Variants in SORCS2 observed in about 807,000 individuals in gnomAD.
The protein encoded by SORCS2 is VPS10 domain-containing receptor SorCS2.
SORCS2 carries 100 observed loss-of-function variants against 141.6 expected under a neutral mutation model. The observed-to-expected ratio is 0.71, with a 90% CI of 0.60 to 0.83. SORCS2 has a LOEUF of 0.83. Ranked by LOEUF, SORCS2 falls within the 40% of genes least tolerant of loss-of-function variation. The pLI, the probability that SORCS2 is intolerant of heterozygous loss-of-function variation, is 0.00. For synonymous variants in SORCS2, 789 were observed against 676.9 expected, an observed-to-expected ratio of 1.17 and a Z score of -2.57; for missense variants, 1,646 against 1,560.2, an observed-to-expected ratio of 1.05 and a Z score of -0.93.
At position 7,733,305 on chromosome 4, in the gene SORCS2, C is replaced by A. The variant is rs116312192; in HGVS notation, c.3109-17C>A. 2.0e-6 allele frequency: 3 copies of A among 1,532,738 alleles called. No individual in the cohort carries two copies. The highest frequency in any genetic ancestry group is 2.0e-5 in the Admixed American group (1 of 50,468). The allele number at this position is 1,532,738 out of a possible 1,614,324, so 94.9% of individuals were successfully genotyped here. ...CCTCCATGGAGGCCTCACTCACTGT[C>A]CCCTCTGTGCTTGCAGAGGCTCGCC... is the stretch of plus-strand genomic sequence containing the variant. On this transcript the variant is annotated splice_polypyrimidine_tract_variant and intron_variant, in intron 23 of 26. Transcript: ENST00000507866.
At chr4:7,477,229 C>T (rs551878548) in intron 2 of SORCS2, among the ~76,000 whole-genome samples, 3 of 151,476 alleles carry the variant, frequency 2.0e-5, no homozygotes, top group African/African-American at 7.3e-5. Context: ...TTGGGAATAG[C>T]CTGAGTCATT....
intron 1 of SORCS2, among the ~76,000 whole-genome samples, chr4:7,226,150 G>A (rs1461220638): frequency 6.6e-6 from 1 of 152,224 alleles, no homozygotes; most frequent in African/African-American, 2.4e-5. Flanking sequence ...GGGAGGGCTG[G>A]AAGCTGCAAT....
chr4:7,198,321 C>G (rs552318583), intron 1 of SORCS2, among the ~76,000 whole-genome samples: 1 of 152,300 alleles, frequency 6.6e-6, no homozygotes, highest in South Asian at 2.1e-4. Context: ...TTCAAATCCA[C>G]GACAAAGCTG....
At chr4:7,613,444 G>T (rs1048456523) in intron 3 of SORCS2, among the ~76,000 whole-genome samples, 1 of 152,146 alleles carries the variant, frequency 6.6e-6, no homozygotes, top group African/African-American at 2.4e-5. Flanking sequence ...GGCCTGGGCC[G>T]CCCTCCACCC....
rs189633424 is a variant in SORCS2, at chr4:7,244,107, C to T, written c.480+50981C>T. ...TCCTGCATGGAACGGGAAAGAGGGT[C>T]CCCACTTCTGAAGCACATAGGAAGG... On this transcript the variant is annotated intron_variant, in intron 1 of 26. Coordinates refer to ENST00000507866, the MANE Select transcript of SORCS2 (RefSeq NM_020777.3). 9.9e-5 allele frequency among the ~76,000 whole-genome samples: 15 copies of T among 152,278 alleles called. No individual in the cohort carries two copies. In the East Asian group the frequency reaches 2.9e-3, roughly 30 times the overall value.
chr4:7,554,312 T>C (rs146308081), intron 3 of SORCS2, among the ~76,000 whole-genome samples: 18 of 150,452 alleles, frequency 1.2e-4, no homozygotes, highest in African/African-American at 4.1e-4. Context: ...AGCTGTAACA[T>C]AGGAGAGTTG....
intron 2 of SORCS2, among the ~76,000 whole-genome samples, chr4:7,446,484 G>T (rs115476624): frequency 0.012 from 1,756 of 152,320 alleles, 30 homozygotes; most frequent in African/African-American, 0.041. Flanking sequence ...ACAAGCTGGG[G>T]TGCTGTAGGA....
chr4:7,623,127 C>T (rs906085833), intron 3 of SORCS2, among the ~76,000 whole-genome samples: 6 of 152,204 alleles, frequency 3.9e-5, no homozygotes, highest in African/African-American at 9.6e-5. Flanking sequence ...CCAGGGACAC[C>T]GATACCCCAT....
At chr4:7,222,396 C>A (rs1292545354) in intron 1 of SORCS2, among the ~76,000 whole-genome samples, 1 of 152,172 alleles carries the variant, frequency 6.6e-6, no homozygotes, top group East Asian at 1.9e-4. Flanking sequence ...CAGCCACATA[C>A]TGTATGGCTG....
chr4:7,637,754 G>A (rs751115943), intron 3 of SORCS2, among the ~76,000 whole-genome samples: 1 of 152,112 alleles, frequency 6.6e-6, no homozygotes, highest in African/African-American at 2.4e-5. Context: ...GATGGCTACA[G>A]TTAGGCTGAG....
chr4:7,297,086 T>A (rs1560172718), intron 1 of SORCS2, among the ~76,000 whole-genome samples: 1 of 151,850 alleles, frequency 6.6e-6, no homozygotes, highest in Non-Finnish European at 1.5e-5. Context: ...TCAGAGTGCC[T>A]GGGGGGGTCC....
chr4:7,555,435 C>A (rs1320341157), intron 3 of SORCS2, among the ~76,000 whole-genome samples: 3 of 152,236 alleles, frequency 2.0e-5, no homozygotes, highest in Non-Finnish European at 4.4e-5. Context: ...CCTCCACCAG[C>A]CCTTGCTGGC....
At chr4:7,619,985 ATC>A (rs1719046886) in intron 3 of SORCS2, among the ~76,000 whole-genome samples, 1 of 151,858 alleles carries the variant, frequency 6.6e-6, no homozygotes, top group Non-Finnish European at 1.5e-5. Context: ...AAACAGCTGC[ATC>A]TAGTTACACC....
At chr4:7,674,596 A>T (rs1233277780) in intron 8 of SORCS2, among the ~76,000 whole-genome samples, 5 of 147,948 alleles carry the variant, frequency 3.4e-5, no homozygotes, top group Non-Finnish European at 6.0e-5. Context: ...AAAAAAAAAA[A>T]AAAAAAAAAG....
intron 1 of SORCS2, among the ~76,000 whole-genome samples, chr4:7,359,311 A>G (rs567660908): frequency 1.8e-5 from 2 of 108,174 alleles, no homozygotes; most frequent in African/African-American, 5.9e-5. Flanking sequence ...CAAGCAAATA[A>G]ACAAAAAAAA....
At chr4:7,214,942 G>T (rs1007683763) in intron 1 of SORCS2, among the ~76,000 whole-genome samples, 4 of 152,012 alleles carry the variant, frequency 2.6e-5, no homozygotes, top group Non-Finnish European at 5.9e-5. Flanking sequence ...GTAATCTTTA[G>T]AAAGTGAGAG....
chr4:7,457,567 T>G (rs1425225800), intron 2 of SORCS2, among the ~76,000 whole-genome samples: 1 of 151,186 alleles, frequency 6.6e-6, no homozygotes, highest in African/African-American at 2.4e-5. Flanking sequence ...CTGACAGGTG[T>G]GAGCTGCGGT....
intron 2 of SORCS2, among the ~76,000 whole-genome samples, chr4:7,489,489 A>G (rs1465955200): frequency 6.6e-6 from 1 of 151,278 alleles, no homozygotes; most frequent in Non-Finnish European, 1.5e-5. Flanking sequence ...TAATTTCTCA[A>G]GATGTCTCTC....
At chr4:7,262,932 G>A (rs762945333) in intron 1 of SORCS2, among the ~76,000 whole-genome samples, 10 of 152,334 alleles carry the variant, frequency 6.6e-5, no homozygotes, top group Non-Finnish European at 5.9e-5. Context: ...GGACCTCGTG[G>A]TCCAGGTTTG....
Sources: allele counts gnomAD v4.1 joint callset (sites outside exome capture counted in the v4.1 genomes callset), GRCh38; gene constraint gnomAD v4.1.1; transcripts MANE v1.5; gene names NCBI Gene and HGNC (gene_info 2026-07-23, HGNC 2026-07-21).